PARD3: variants seen among roughly 807,000 people sequenced by gnomAD.
PARD3 encodes the protein par-3 family cell polarity regulator.
In PARD3, 75 loss-of-function variants were observed where a neutral mutation model predicts 155.4. That is an observed-to-expected ratio of 0.48 (90% CI 0.40 to 0.58). The LOEUF (loss-of-function observed/expected upper bound fraction) is 0.58, where lower values mean the gene tolerates loss of function less well. PARD3 is among the 20% of genes least tolerant of loss of function. The pLI is 0.00. For missense variants in PARD3, 1,642 were observed against 1,721.7 expected (o/e 0.95, Z 0.82); for synonymous variants, 576 against 610.5 (o/e 0.94, Z 0.83).
intron 1 of PARD3, among the ~76,000 whole-genome samples, chr10:34,755,459 A>T (rs1189765278): frequency 6.6e-6 from 1 of 152,136 alleles, no homozygotes; most frequent in Non-Finnish European, 1.5e-5. Flanking sequence ...ACAAGAGCCC[A>T]GTGCAAGGGT....
intron 20 of PARD3, among the ~76,000 whole-genome samples, chr10:34,302,023 T>C (rs1188656017): frequency 1.3e-5 from 2 of 152,044 alleles, no homozygotes; most frequent in African/African-American, 4.8e-5. Context: ...AATCTTTTAA[T>C]TTTCTAAACA....
chr10:34,677,342 T>C (rs1177018209), intron 2 of PARD3, among the ~76,000 whole-genome samples: 3 of 151,638 alleles, frequency 2.0e-5, no homozygotes, highest in African/African-American at 4.8e-5. Context: ...TAACAGGGTG[T>C]AGTAGCACAT....
intron 1 of PARD3, among the ~76,000 whole-genome samples, chr10:34,746,330 T>G (rs1178562190): frequency 6.6e-6 from 1 of 150,880 alleles, no homozygotes; most frequent in Non-Finnish European, 1.5e-5. Flanking sequence ...ACACCTACAG[T>G]CACCACTACT....
chr10:34,768,025 A>G (rs973066671), intron 1 of PARD3, among the ~76,000 whole-genome samples: 1 of 152,124 alleles, frequency 6.6e-6, no homozygotes, highest in Non-Finnish European at 1.5e-5. Context: ...ACATATGTGC[A>G]ATTTTTTCTT....
chr10:34,786,285 A>G (rs951792450), intron 1 of PARD3, among the ~76,000 whole-genome samples: 23 of 152,116 alleles, frequency 1.5e-4, no homozygotes, highest in East Asian at 3.8e-4. Context: ...TTTCCACTAC[A>G]TGTTATTTAT....
chr10:34,397,121 T>A (rs1197238392), intron 7 of PARD3, among the ~76,000 whole-genome samples: 1 of 152,218 alleles, frequency 6.6e-6, no homozygotes, highest in African/African-American at 2.4e-5. Context: ...ACAGAAATGC[T>A]TGGAAAGGTT....
intron 2 of PARD3, among the ~76,000 whole-genome samples, chr10:34,647,312 A>G (rs989724641): frequency 6.6e-6 from 1 of 152,210 alleles, no homozygotes; most frequent in Non-Finnish European, 1.5e-5. Flanking sequence ...GGAAGAGCAC[A>G]CCGCACACAG....
At chr10:34,233,623 A>G (rs1245748508) in intron 22 of PARD3, among the ~76,000 whole-genome samples, 1 of 152,114 alleles carries the variant, frequency 6.6e-6, no homozygotes, top group East Asian at 1.9e-4. Flanking sequence ...CATCTCAAAA[A>G]GCAGTGCCCC....
intron 1 of PARD3, among the ~76,000 whole-genome samples, chr10:34,746,675 G>A (rs1445196786): frequency 6.6e-6 from 1 of 152,040 alleles, no homozygotes; most frequent in Non-Finnish European, 1.5e-5. Flanking sequence ...AAAAAATTAT[G>A]AAAGACGCTC....
At chr10:34,528,055 A>G (rs1336958096) in intron 2 of PARD3, among the ~76,000 whole-genome samples, 1 of 152,234 alleles carries the variant, frequency 6.6e-6, no homozygotes, top group Non-Finnish European at 1.5e-5. Context: ...TAACCTGTTT[A>G]GCAATGTTTT....
chr10:34,731,306 C>T (rs545194174), intron 1 of PARD3, among the ~76,000 whole-genome samples: 1 of 152,326 alleles, frequency 6.6e-6, no homozygotes, highest in Admixed American at 6.5e-5. Context: ...TGCCTACAGA[C>T]TTCAATCAAC....
At chr10:34,184,455 G>T (rs1171062846) in intron 22 of PARD3, among the ~76,000 whole-genome samples, 2 of 152,120 alleles carry the variant, frequency 1.3e-5, no homozygotes, top group Non-Finnish European at 2.9e-5. Context: ...GCTCATAGGG[G>T]GTTTAGAGAA....
At chr10:34,248,336 C>T (rs1250797111) in intron 22 of PARD3, among the ~76,000 whole-genome samples, 1 of 152,148 alleles carries the variant, frequency 6.6e-6, no homozygotes, top group Non-Finnish European at 1.5e-5. Flanking sequence ...GTCAATAAAA[C>T]TGGTGGTGTT....
chr10:34,696,001 G>A (rs917201079), intron 2 of PARD3, among the ~76,000 whole-genome samples: 3 of 152,194 alleles, frequency 2.0e-5, no homozygotes, highest in Admixed American at 2.0e-4. Flanking sequence ...GAGTTGTGAA[G>A]AAAGATGTTA....
At chr10:34,395,496 A>G (rs1177672287) in intron 7 of PARD3, among the ~76,000 whole-genome samples, 4 of 152,224 alleles carry the variant, frequency 2.6e-5, no homozygotes, top group Non-Finnish European at 5.9e-5. Flanking sequence ...ATAGATGAGG[A>G]TCAGTTAACT....
chr10:34,654,778 T>G (rs12241700), intron 2 of PARD3, among the ~76,000 whole-genome samples: 10,857 of 152,144 alleles, frequency 0.071, 1,271 homozygotes, highest in African/African-American at 0.25. Flanking sequence ...GGACACACAC[T>G]GCACCTTTCC....
intron 22 of PARD3, among the ~76,000 whole-genome samples, chr10:34,169,150 C>T (rs654887): frequency 0.24 from 36,138 of 152,106 alleles, 4,458 homozygotes; most frequent in Middle Eastern, 0.37. Flanking sequence ...TCAGACAAAC[C>T]GGGGCTAGGT....
At chr10:34,598,906 C>T (rs1420660470) in intron 2 of PARD3, among the ~76,000 whole-genome samples, 1 of 152,110 alleles carries the variant, frequency 6.6e-6, no homozygotes, top group Non-Finnish European at 1.5e-5. Flanking sequence ...CTTCCAGAGT[C>T]CAGCCCCTAC....
chr10:34,561,152 A>C (rs1332031886), intron 2 of PARD3, among the ~76,000 whole-genome samples: 3 of 152,156 alleles, frequency 2.0e-5, no homozygotes, highest in African/African-American at 7.2e-5. Context: ...TACCGACTCT[A>C]ATCTTGAGGG....
Sources: allele counts gnomAD v4.1 joint callset (sites outside exome capture counted in the v4.1 genomes callset), GRCh38; gene constraint gnomAD v4.1.1; transcripts MANE v1.5; gene names NCBI Gene and HGNC (gene_info 2026-07-23, HGNC 2026-07-21).